TRPM6: variants seen among roughly 807,000 people sequenced by gnomAD.
The protein encoded by TRPM6 is transient receptor potential cation channel subfamily M member 6, also known as channel kinase 2.
A neutral mutation model predicts 247.6 loss-of-function variants in TRPM6; 111 were observed. That is an observed-to-expected ratio of 0.45 (90% CI 0.38 to 0.52). The LOEUF is 0.52. Ranked by LOEUF, TRPM6 falls within the 20% of genes least tolerant of loss-of-function variation. The probability of loss-of-function intolerance (pLI) is 0.00; values close to 1 mark genes in which losing one functional copy is unlikely to be tolerated. For synonymous variants in TRPM6, 892 were observed against 853.8 expected (o/e 1.04, Z -0.78); for missense variants, 2,126 against 2,421.5 (o/e 0.88, Z 2.56).
chr9:74,810,519 C>A (rs1196396623), intron 13 of TRPM6, among the ~76,000 whole-genome samples: 1 of 152,184 alleles, frequency 6.6e-6, no homozygotes, highest in South Asian at 2.1e-4. Context: ...GGCACCACCA[C>A]GGTATCGGGG....
chr9:74,727,395 A>G (rs1377133444), intron 38 of TRPM6, among the ~76,000 whole-genome samples: 1 of 151,874 alleles, frequency 6.6e-6, no homozygotes, highest in East Asian at 1.9e-4. Context: ...AAAAAAAAAA[A>G]AAAAAAAAAG....
intron 2 of TRPM6, chr9:74,857,816 C>T (rs571621068): frequency 9.2e-5 from 14 of 152,302 alleles, no homozygotes; most frequent in Admixed American, 5.9e-4. Context: ...CTGAAATTAC[C>T]TGTTCATCTA....
intron 8 of TRPM6, among the ~76,000 whole-genome samples, chr9:74,820,878 C>A (rs1315279153): frequency 6.6e-6 from 1 of 152,112 alleles, no homozygotes; most frequent in East Asian, 1.9e-4. Flanking sequence ...GTATTATATT[C>A]TCTAAAGGAT....
At chr9:74,787,062 C>T (rs990879459) in intron 20 of TRPM6, among the ~76,000 whole-genome samples, 8 of 151,238 alleles carry the variant, frequency 5.3e-5, no homozygotes, top group African/African-American at 1.7e-4. Flanking sequence ...AGGCTGGGTG[C>T]AGTGGCTCAC....
intron 33 of TRPM6, 135 bp from the exon 34 acceptor site, chr9:74,740,144 A>G (rs1825817906): frequency 1.0e-6 from 1 of 984,078 alleles, no homozygotes; most frequent in Admixed American, 2.0e-5. Flanking sequence ...AGGGAACAGA[A>G]CAGAATAAGG....
chr9:74,743,639 T>C (rs1347284012), intron 32 of TRPM6, among the ~76,000 whole-genome samples: 2 of 152,214 alleles, frequency 1.3e-5, no homozygotes, highest in African/African-American at 4.8e-5. Context: ...TTGACATCTT[T>C]GTTTAATAAC....
At chr9:74,839,886 G>GAAGGAAGGAAGGAAGT (rs1829861361) in intron 5 of TRPM6, 138 bp downstream of exon 5, 1 of 577,266 alleles carries the variant, frequency 1.7e-6, no homozygotes, top group Non-Finnish European at 3.0e-6. Context: ...AGGAAGGAAG[G>GAAGGAAGGAAGGAAGT]AAGGAAGGAG....
At chr9:74,887,137 C>A in intron 1 of TRPM6, 1 of 727,732 alleles carries the variant, frequency 1.4e-6, no homozygotes, top group Non-Finnish European at 1.9e-6. Context: ...CATATGCCAG[C>A]GGTGGAGAGG....
intron 37 of TRPM6, among the ~76,000 whole-genome samples, chr9:74,730,087 C>T (rs1446174729): frequency 6.6e-6 from 1 of 152,106 alleles, no homozygotes; most frequent in African/African-American, 2.4e-5. Context: ...ACGCCTAGAG[C>T]CTTGCAGTCT....
At chr9:74,746,358 C>T (rs1396284360) in intron 31 of TRPM6, among the ~76,000 whole-genome samples, 1 of 152,102 alleles carries the variant, frequency 6.6e-6, no homozygotes, top group Non-Finnish European at 1.5e-5. Context: ...GACAAGTATT[C>T]CAAGACTTTG....
intron 20 of TRPM6, among the ~76,000 whole-genome samples, chr9:74,787,729 T>C (rs1827745722): frequency 6.6e-6 from 1 of 152,166 alleles, no homozygotes; most frequent in Non-Finnish European, 1.5e-5. Flanking sequence ...TTTTTGTTTT[T>C]GTTTGAGACG....
At chr9:74,747,018 CAT>C (rs1359595535) in intron 31 of TRPM6, among the ~76,000 whole-genome samples, 2 of 152,014 alleles carry the variant, frequency 1.3e-5, no homozygotes, top group South Asian at 2.1e-4. Flanking sequence ...CTCAAGGAAA[CAT>C]AGAAAAGAGA....
chr9:74,742,577 T>G lies in TRPM6; in HGVS notation c.5184A>C (p.Thr1728=), dbSNP rs1383692005. The change falls in exon 33 of 39, where the codon ACA becomes ACC. Residue 1728 remains threonine, a synonymous_variant. Coordinates refer to ENST00000360774, the MANE Select transcript of TRPM6 (RefSeq NM_017662.5). The stretch of plus-strand genomic sequence containing the variant: ...GCTACTCACCAAACAGTTGGACTGG[T>G]GTAAATGGTATGGTCTGAGAAAGCC... ...LMRLSQTIPF[T]PVQLFAGEEI... The G allele has an allele frequency of 1.2e-6, 2 of 1,613,978 alleles. No individual in the cohort carries two copies. The highest frequency in any genetic ancestry group is 1.7e-6 in the Non-Finnish European group (2 of 1,179,942).
chr9:74,885,232 A>G (rs527632128), intron 1 of TRPM6, among the ~76,000 whole-genome samples: 2 of 152,342 alleles, frequency 1.3e-5, no homozygotes, highest in Admixed American at 6.5e-5. Flanking sequence ...AAAAATTATG[A>G]GATAACTATA....
chr9:74,789,051 A>G (rs1302938122), intron 19 of TRPM6, among the ~76,000 whole-genome samples: 2 of 152,186 alleles, frequency 1.3e-5, no homozygotes, highest in Admixed American at 6.5e-5. Context: ...GGGCACTGGC[A>G]AGCTAACAGC....
chr9:74,739,653 A>G (rs150979571), intron 34 of TRPM6, 70 bp downstream of exon 34: 762 of 1,590,102 alleles, frequency 4.8e-4, no homozygotes, highest in Admixed American at 5.7e-4. Flanking sequence ...GGCCTTAGAT[A>G]AGGATGTAGC....
Position 74,763,112 on chromosome 9 carries a change from G to T in TRPM6, c.3559C>A (p.Leu1187Met). Residue 1187 changes from leucine to methionine, a missense_variant, in exon 26 of 39, where the codon CTG (leucine) becomes ATG (methionine). Coordinates refer to ENST00000360774, the MANE Select transcript of TRPM6 (RefSeq NM_017662.5). The part of the protein sequence containing the change: ...SERVTEMYFQ[L>M]KEMNEKVSFI... Reference sequence around the variant, plus strand: ...GACACCTTTTCATTCATTTCTTTCAGCTGGAAGTACATCTCTGTAACCCTA... The same window carrying T: ...GACACCTTTTCATTCATTTCTTTCATCTGGAAGTACATCTCTGTAACCCTA... The T allele has an allele frequency of 6.2e-7, 1 of 1,612,068 alleles. No individual in the cohort carries two copies. The highest frequency in any genetic ancestry group is 8.5e-7 in the Non-Finnish European group (1 of 1,179,986).
intron 9 of TRPM6, among the ~76,000 whole-genome samples, chr9:74,818,293 C>CTTTTTTTTTTTTTTTTTTTT (rs1161401022): frequency 1.4e-5 from 1 of 72,006 alleles, no homozygotes; most frequent in African/African-American, 6.1e-5. Flanking sequence ...TCTATCATTT[C>CTTTTTTTTTTTTTTTTTTTT]TTTTTTTTTT....
chr9:74,755,855 C>T (rs2769195), intron 27 of TRPM6, among the ~76,000 whole-genome samples: 97,020 of 152,016 alleles, frequency 0.64, 32,568 homozygotes, highest in African/African-American at 0.86. Context: ...CTCATGCTGC[C>T]AATAGGAGAT....
Sources: gnomAD v4.1 joint callset for allele counts (sites outside exome capture counted in the v4.1 genomes callset) on GRCh38, gnomAD v4.1.1 for gene constraint, MANE v1.5 for transcripts, NCBI Gene and HGNC (gene_info 2026-07-23, HGNC 2026-07-21) for gene names.